The following PCDHGA5 variants were observed in gnomAD, a reference collection of about 807,000 sequenced individuals.
PCDHGA5 encodes the protein protocadherin gamma subfamily A, 5.
Under a neutral mutation model 56.7 loss-of-function variants are expected in PCDHGA5, and 36 were observed. That is an observed-to-expected ratio of 0.64 (90% CI 0.49 to 0.84). PCDHGA5 has a LOEUF of 0.84. Ranked by LOEUF, PCDHGA5 falls within the 40% of genes least tolerant of loss-of-function variation. PCDHGA5 has a pLI of 0.00. For missense variants in PCDHGA5, 1,305 were observed against 1,201.5 expected, an observed-to-expected ratio of 1.09 and a Z score of -1.27; for synonymous variants, 563 against 520.2, an observed-to-expected ratio of 1.08 and a Z score of -1.12.
In PCDHGA5 at chr5:141,491,696, G is replaced by A; in HGVS notation, c.2422-3111G>A. The A allele has an allele frequency of 6.2e-7, 1 of 1,612,390 alleles. No individual in the cohort carries two copies. The highest frequency in any genetic ancestry group is 8.5e-7 in the Non-Finnish European group (1 of 1,179,286). ...CGCTCTAATACGCTGCGGGAGCGGA[G>A]CCAGGTGAGGGGCTCGGCGCCGCCC... On this transcript the variant is annotated intron_variant, in intron 1 of 3. Coordinates refer to ENST00000518069, the MANE Select transcript of PCDHGA5 (RefSeq NM_018918.3). This position sits in a 1 kb window ranked among gnomAD's most constrained non-coding sequence, Gnocchi z 6.9.
chr5:141,379,813 T>C (rs1775841720), intron 1 of PCDHGA5, among the ~76,000 whole-genome samples: 1 of 150,950 alleles, frequency 6.6e-6, no homozygotes, highest in South Asian at 2.1e-4. Flanking sequence ...GAGAGTTCAG[T>C]ATAGAATTTT....
chr5:141,470,597 T>A (rs1309687738), intron 1 of PCDHGA5, among the ~76,000 whole-genome samples: 5 of 152,216 alleles, frequency 3.3e-5, no homozygotes, highest in Non-Finnish European at 7.3e-5. Flanking sequence ...AGGCGACCTG[T>A]GCGGGGACAC....
intron 1 of PCDHGA5, chr5:141,418,168 G>T (rs2096233804): frequency 6.2e-7 from 1 of 1,613,946 alleles, no homozygotes. Context: ...GAAGATGTGA[G>T]TTGCAATTGG....
chr5:141,491,327 T>C lies in PCDHGA5; in HGVS notation c.2422-3480T>C, dbSNP rs1422115943. ...TCAGACCTTACCCTTTACCTCATTG[T>C]GGCTCTAGCGACCGTCAGTCTCTTA... is the stretch of plus-strand genomic sequence containing the variant. On this transcript the variant is annotated intron_variant, in intron 1 of 3. Coordinates refer to ENST00000518069, the MANE Select transcript of PCDHGA5 (RefSeq NM_018918.3). This position sits in a 1 kb window ranked among gnomAD's most constrained non-coding sequence, Gnocchi z 6.9. 5.6e-6 allele frequency: 9 copies of C among 1,614,098 alleles called. No homozygotes were observed. Among genetic ancestry groups the C allele is most frequent in the Admixed American group, 3.3e-5 (2 of 60,006 alleles).
intron 1 of PCDHGA5, among the ~76,000 whole-genome samples, chr5:141,455,783 T>G (rs1475277198): frequency 1.3e-5 from 2 of 152,066 alleles, no homozygotes; most frequent in Non-Finnish European, 2.9e-5. Context: ...AAAAGAAACT[T>G]TTCCGGAGAT....
chr5:141,423,070 C>G, intron 1 of PCDHGA5: 1 of 1,614,132 alleles, frequency 6.2e-7, no homozygotes, highest in Non-Finnish European at 8.5e-7. Flanking sequence ...GGCCAGCGAG[C>G]CGGGACTCTT....
chr5:141,393,931 A>G (rs2092877378), intron 1 of PCDHGA5: 6 of 1,614,002 alleles, frequency 3.7e-6, no homozygotes, highest in Middle Eastern at 1.6e-4. Flanking sequence ...AGTGTGCATG[A>G]CCAAGACTCT....
rs778198822 is a variant in PCDHGA5, at chr5:141,432,802, A to C, written c.2422-62005A>C. 6.2e-7 allele frequency: 1 copy of C among 1,614,082 alleles called. No homozygotes were observed. The highest frequency in any genetic ancestry group is 1.1e-5 in the South Asian group (1 of 91,076). The stretch of plus-strand genomic sequence containing the variant: ...CGGACCTCGGCAGCCTCGAGTCTCC[A>C]GCTAACTCTGAAACCTCAGACCTCA... On this transcript the variant is annotated intron_variant, in intron 1 of 3. Transcript: ENST00000518069. This position sits in a 1 kb window ranked among gnomAD's most constrained non-coding sequence, Gnocchi z 6.0.
At chr5:141,372,411 C>G (rs1768748655) in intron 1 of PCDHGA5, 1 of 1,614,080 alleles carries the variant, frequency 6.2e-7, no homozygotes, top group East Asian at 2.2e-5. Context: ...AGAGATACAA[C>G]CTGACCTTAG....
At chr5:141,398,593 G>A (rs2093676056) in intron 1 of PCDHGA5, 1 of 1,614,044 alleles carries the variant, frequency 6.2e-7, no homozygotes, top group Non-Finnish European at 8.5e-7. Flanking sequence ...TATACTAGAA[G>A]TAGCAGAAGA....
intron 1 of PCDHGA5, chr5:141,479,537 T>C (rs1299169562): frequency 6.6e-6 from 1 of 152,230 alleles, no homozygotes; most frequent in Non-Finnish European, 1.5e-5. Context: ...GTGGAGAAGG[T>C]CAAAACTGCT....
At chr5:141,496,509 C>A (rs955577717) in intron 2 of PCDHGA5, among the ~76,000 whole-genome samples, 3 of 152,168 alleles carry the variant, frequency 2.0e-5, no homozygotes, top group Non-Finnish European at 4.4e-5. Context: ...GCCACAAGGA[C>A]CCAGGAGCCC....
At position 141,379,353 on chromosome 5, in the gene PCDHGA5, T is replaced by A. The variant is rs536207884; in HGVS notation, c.2421+12602T>A. The A allele has an allele frequency of 1.4e-4, 22 of 152,338 alleles. No individual in the cohort carries two copies. In the South Asian group the frequency reaches 4.6e-3, roughly 32 times the overall value. 9.4% of individuals were successfully genotyped at this position (152,338 alleles called of 1,614,324 possible). A position where few individuals can be genotyped will look rare whatever the true frequency, so the allele number is the denominator to read the frequency against. The stretch of plus-strand genomic sequence containing the variant: ...CATCTTCAAAGCTCATTTTCTTGTA[T>A]CTTTGTGATATAATTTGATAAAATA... On this transcript the variant is annotated intron_variant, in intron 1 of 3. Coordinates refer to ENST00000518069, the MANE Select transcript of PCDHGA5 (RefSeq NM_018918.3).
chr5:141,424,860 A>C (rs2154550951), intron 1 of PCDHGA5, among the ~76,000 whole-genome samples: 1 of 152,340 alleles, frequency 6.6e-6, no homozygotes. Flanking sequence ...TGTCTAGGAA[A>C]GCCAAATGAG....
chr5:141,414,767 AGCTACAGAT>A, intron 1 of PCDHGA5: 2 of 1,614,190 alleles, frequency 1.2e-6, no homozygotes, highest in Middle Eastern at 1.6e-4. Flanking sequence ...CAGTTTCATG[AGCTACAGAT>A]GCAGGTGACA....
At chr5:141,408,019 A>G (rs1589652051) in intron 1 of PCDHGA5, 1 of 1,031,592 alleles carries the variant, frequency 9.7e-7, no homozygotes, top group Admixed American at 3.2e-5. Context: ...GCAGCCAACA[A>G]CAGAAAGAAG....
At chr5:141,376,382 C>T in intron 1 of PCDHGA5, 2 of 1,614,230 alleles carry the variant, frequency 1.2e-6, no homozygotes, top group Non-Finnish European at 1.7e-6. Flanking sequence ...GCGTAAGAGT[C>T]ATCTGATTTT....
Position 141,485,060 on chromosome 5 carries a change from G to T in PCDHGA5, c.2422-9747G>T. The T allele has an allele frequency of 1.2e-6, 1 of 862,304 alleles. No individual in the cohort carries two copies. 53.4% of individuals were successfully genotyped at this position (862,304 alleles called of 1,614,324 possible). ...ACCCTTGCGGCGCCGGCCGAACCGC[G>T]CCAGAGCTGGCGCGGGGAAAGGGAG... On this transcript the variant is annotated intron_variant, in intron 1 of 3. Coordinates refer to ENST00000518069, the MANE Select transcript of PCDHGA5 (RefSeq NM_018918.3). The surrounding 1 kb of genome is among the most constrained non-coding windows in gnomAD (Gnocchi z 5.7).
rs1763704245 is a variant in PCDHGA5 at position 141,365,050 on chromosome 5, C to A, written c.720C>A (p.Pro240=). ...VTVLDANDNA[P]LFTPSEYSVS... Reference sequence around the variant, plus strand: ...TCCTCGACGCAAACGACAATGCGCCCCTGTTCACCCCATCCGAGTACAGCG... The same window carrying A: ...TCCTCGACGCAAACGACAATGCGCCACTGTTCACCCCATCCGAGTACAGCG... Residue 240 remains proline (P), a synonymous_variant, in exon 1 of 4, where the codon CCC becomes CCA. Coordinates refer to ENST00000518069, the MANE Select transcript of PCDHGA5 (RefSeq NM_018918.3). The A allele has an allele frequency of 6.2e-7, 1 of 1,613,882 alleles. No homozygotes were observed. The highest frequency in any genetic ancestry group is 1.3e-5 in the African/African-American group (1 of 75,050).
Sources: gnomAD v4.1 joint callset for allele counts (sites outside exome capture counted in the v4.1 genomes callset) on GRCh38, gnomAD v4.1.1 for gene constraint, Gnocchi (gnomAD v3.1) non-coding constraint, MANE v1.5 for transcripts, NCBI Gene and HGNC (gene_info 2026-07-23, HGNC 2026-07-21) for gene names.